Variants in NEFL observed in about 807,000 individuals in gnomAD.
NEFL encodes neurofilament light polypeptide.
Under a neutral mutation model 51.6 loss-of-function variants are expected in NEFL, and 36 were observed. The observed-to-expected ratio is 0.70, with a 90% CI of 0.53 to 0.92. NEFL has a LOEUF of 0.92. NEFL is among the 40% of genes least tolerant of loss of function. The pLI is 0.00. For missense variants in NEFL, 671 were observed against 722.0 expected (o/e 0.93, Z 0.81); for synonymous variants, 332 against 302.5 (o/e 1.10, Z -1.01).
Position 24,952,068 on chromosome 8 carries a change from TG to T in NEFL, c.*741del, listed in dbSNP as rs1325040377. Reference sequence around the variant, plus strand: ...TGTATCTGTCAAGTAATTTCAGAATTGCTCCCTAGAAAGCCATCCCAAAACC... The same window carrying T: ...TGTATCTGTCAAGTAATTTCAGAATTCTCCCTAGAAAGCCATCCCAAAACC... On this transcript the variant is annotated 3_prime_UTR_variant, in exon 4 of 4. Transcript: ENST00000610854. 6.6e-6 allele frequency: 1 copy of T among 152,518 alleles called. No homozygotes were observed. The allele number at this position is 152,518 out of a possible 1,614,324, so 9.4% of individuals were successfully genotyped here.
intron 2 of NEFL, 78 bp downstream of exon 2, chr8:24,954,103 G>A: frequency 6.3e-7 from 1 of 1,583,290 alleles, no homozygotes; most frequent in Non-Finnish European, 8.6e-7. Context: ...GAAGGTTTCT[G>A]ATCCAACATA....
At chr8:24,954,363 T>C in intron 1 of NEFL, 58 bp from the exon 2 acceptor site, 1 of 1,594,568 alleles carries the variant, frequency 6.3e-7, no homozygotes, top group Middle Eastern at 1.7e-4. Context: ...CCTTCTATTA[T>C]TTTACTGTAG....
In NEFL at chr8:24,952,845, C is replaced by T; in HGVS notation, c.1597G>A (p.Ala533Thr). Residue 533 changes from alanine to threonine, a missense_variant, in exon 4 of 4, where the codon GCT becomes ACT. Ala to Thr is a moderately conservative substitution (Grantham distance 58, BLOSUM62 0). Transcript: ENST00000610854. Reference sequence around the variant, plus strand: ...TTCTTAGCTGCTTGTTCCTCCCCAGCACCTTCAACTTTCTTCTCCTCCTCT... The same window carrying T: ...TTCTTAGCTGCTTGTTCCTCCCCAGTACCTTCAACTTTCTTCTCCTCCTCT... The part of the protein sequence containing the change: ...AEEEEKKVEG[A>T]GEEQAAKKKD The T allele has an allele frequency of 6.2e-7, 1 of 1,612,734 alleles. No homozygotes were observed. Among genetic ancestry groups the T allele is most frequent in the South Asian group, 1.1e-5 (1 of 91,048 alleles).
intron 1 of NEFL, 83 bp from the exon 2 acceptor site, chr8:24,954,388 C>G (rs1803013412): frequency 6.7e-7 from 1 of 1,483,958 alleles, no homozygotes; most frequent in Non-Finnish European, 9.1e-7. Flanking sequence ...GTTGCAAAGG[C>G]CTAGTTTCGA....
Position 24,951,316 on chromosome 8 carries a change from A to G in NEFL, c.*1494T>C, listed in dbSNP as rs1802964424. On this transcript the variant is annotated 3_prime_UTR_variant, in exon 4 of 4. Coordinates refer to ENST00000610854, the MANE Select transcript of NEFL (RefSeq NM_006158.5). ...GATTAAGTAACTTTAAATGGAGACC[A>G]CTTTGGTTTCAGGTTAAATTAATAA... 6.6e-6 allele frequency: 1 copy of G among 152,240 alleles called. No homozygotes were observed. The highest frequency in any genetic ancestry group is 2.1e-4 in the South Asian group (1 of 4,832). 9.4% of individuals were successfully genotyped at this position (152,240 alleles called of 1,614,324 possible).
rs1482754724 is a variant in NEFL, at chr8:24,956,394, G to A, written c.122C>T (p.Ser41Phe). 6.2e-7 allele frequency: 1 copy of A among 1,604,258 alleles called. No individual in the cohort carries two copies. The highest frequency in any genetic ancestry group is 8.5e-7 in the Non-Finnish European group (1 of 1,176,000). The change falls in exon 1 of 4, where the codon TCC becomes TTC. Residue 41 changes from serine (S) to phenylalanine (F), a missense_variant. Coordinates refer to ENST00000610854, the MANE Select transcript of NEFL (RefSeq NM_006158.5). This position sits in a 1 kb window ranked among gnomAD's most constrained non-coding sequence, Gnocchi z 5.9. Reference protein sequence around the residue: ...SGYSTARSAYSSYSAPVSSSL... With the variant: ...SGYSTARSAYFSYSAPVSSSL... ...GGAAGACACCGGCGCCGAGTAGCTG[G>A]AGTAAGCTGAGCGTGCGGTGCTGTA...
Position 24,952,798 on chromosome 8 carries a change from G to C in NEFL, c.*12C>G. On this transcript the variant is annotated 3_prime_UTR_variant, in exon 4 of 4. Coordinates refer to ENST00000610854, the MANE Select transcript of NEFL (RefSeq NM_006158.5). ...GGAGAATTATTCCTGAAATAATTAA[G>C]GAAATGGGGGTTCAATCTTTCTTCT... is the stretch of plus-strand genomic sequence containing the variant. The C allele has an allele frequency of 6.2e-7, 1 of 1,613,864 alleles. No individual in the cohort carries two copies. The highest frequency in any genetic ancestry group is 2.2e-5 in the East Asian group (1 of 44,876).
intron 2 of NEFL, 179 bp from the exon 3 acceptor site, chr8:24,953,974 G>A (rs948259897): frequency 2.0e-5 from 23 of 1,158,598 alleles, no homozygotes; most frequent in Non-Finnish European, 2.6e-5. Context: ...GATTTAAAGT[G>A]TAATGACAAG....
rs191346286 is a variant in NEFL at position 24,953,704 on chromosome 8, G to A, written c.1261C>T (p.Arg421Ter). The A allele has an allele frequency of 1.2e-6, 2 of 1,613,986 alleles. No homozygotes were observed. The highest frequency in any genetic ancestry group is 1.7e-6 in the Non-Finnish European group (2 of 1,179,904). ...GYSQSSQVFG[R>*]SAYGGLQTSS... is the part of the protein sequence containing the mutation. ...GTCTGTAAACCGCCGTAGGCAGATC[G>A]GCCAAAGACCTGGGAGCTCTGGGAG... is the stretch of plus-strand genomic sequence containing the variant. The change falls in exon 3 of 4, where the codon CGA (arginine) becomes TGA (stop). Residue 421 changes from arginine (R) to a stop codon, truncating the protein, a stop_gained. Coordinates refer to ENST00000610854, the MANE Select transcript of NEFL (RefSeq NM_006158.5). LOFTEE classifies it high-confidence loss of function.
In NEFL at chr8:24,956,114, G is replaced by A; in HGVS notation, c.402C>T (p.Arg134=). The A allele has an allele frequency of 6.2e-6, 10 of 1,608,132 alleles. No homozygotes were observed. Among genetic ancestry groups the A allele is most frequent in the Non-Finnish European group, 8.5e-6 (10 of 1,178,940 alleles). Residue 134 remains arginine, a synonymous_variant, in exon 1 of 4, where the codon CGC becomes CGT. Coordinates refer to ENST00000610854, the MANE Select transcript of NEFL (RefSeq NM_006158.5). The surrounding 1 kb of genome is among the most constrained non-coding windows in gnomAD (Gnocchi z 5.9). Reference sequence around the variant, plus strand: ...TCTCCTGCTCGTACAGCGCCCGGAAGCGGGATGGCTCGGAGTGCTTCTGGC... The same window carrying A: ...TCTCCTGCTCGTACAGCGCCCGGAAACGGGATGGCTCGGAGTGCTTCTGGC... ...VLRQKHSEPS[R]FRALYEQEIR... is the part of the protein sequence containing the mutation.
intron 1 of NEFL, 86 bp from the exon 2 acceptor site, chr8:24,954,391 A>C: frequency 6.8e-7 from 1 of 1,465,258 alleles, no homozygotes. Flanking sequence ...GCAAAGGCCT[A>C]GTTTCGATTA....
Position 24,955,825 on chromosome 8 carries a change from T to C in NEFL, c.691A>G (p.Ile231Val), listed in dbSNP as rs1803041705. 4.3e-6 allele frequency: 7 copies of C among 1,611,570 alleles called. No homozygotes were observed. The highest frequency in any genetic ancestry group is 5.9e-6 in the Non-Finnish European group (7 of 1,179,872). Residue 231 changes from isoleucine to valine, a missense_variant, in exon 1 of 4, where the codon ATC becomes GTC. Physicochemically the swap from Ile to Val is conservative, Grantham distance 29 (BLOSUM62 3). Coordinates refer to ENST00000610854, the MANE Select transcript of NEFL (RefSeq NM_006158.5). This position sits in a 1 kb window ranked among gnomAD's most constrained non-coding sequence, Gnocchi z 4.0. The part of the protein sequence containing the change: ...SFLKKVHEEE[I>V]AELQAQIQYA... The stretch of plus-strand genomic sequence containing the variant: ...TGGATCTGCGCCTGCAGTTCGGCGA[T>C]CTCCTCTTCGTGCACTTTCTTCAGA...
In NEFL at chr8:24,955,425, CCCTT is replaced by C; in HGVS notation, c.1044+43_1044+46del. 1.3e-6 allele frequency: 1 copy of C among 791,592 alleles called. No homozygotes were observed. The highest frequency in any genetic ancestry group is 2.1e-6 in the Non-Finnish European group (1 of 483,880). The allele number at this position is 791,592 out of a possible 1,614,324, so 49.0% of individuals were successfully genotyped here. On this transcript the variant is annotated intron_variant, in intron 1 of 3. Transcript: ENST00000610854. The surrounding 1 kb of genome is among the most constrained non-coding windows in gnomAD (Gnocchi z 4.0). ...CACTTTCTGGGCGCACCAACTCCCCCCCTTGCTCGAGTCCCCCGCCCCCCTGTGT... is the reference window on the plus strand; with the variant it reads ...CACTTTCTGGGCGCACCAACTCCCCCGCTCGAGTCCCCCGCCCCCCTGTGT...
Position 24,951,495 on chromosome 8 carries a change from A to G in NEFL, c.*1315T>C, listed in dbSNP as rs1316273825. ...CTTAACTTTACGACAGAAAGGATAC[A>G]TGGGGCGTGTATTTGATGCAATGTC... is the stretch of plus-strand genomic sequence containing the variant. On this transcript the variant is annotated 3_prime_UTR_variant, in exon 4 of 4. Coordinates refer to ENST00000610854, the MANE Select transcript of NEFL (RefSeq NM_006158.5). 1 of 152,244 alleles carries G rather than the reference A, an allele frequency of 6.6e-6. No individual in the cohort carries two copies. 9.4% of individuals were successfully genotyped at this position (152,244 alleles called of 1,614,324 possible).
Position 24,954,221 on chromosome 8 carries a change from T to C in NEFL, c.1129A>G (p.Asn377Asp), listed in dbSNP as rs1803010478. 1 of 1,613,906 alleles carries C rather than the reference T, an allele frequency of 6.2e-7. No homozygotes were observed. Among genetic ancestry groups the C allele is most frequent in the Non-Finnish European group, 8.5e-7 (1 of 1,179,816 alleles). ...RYLKEYQDLL[N>D]VKMALDIEIA... ...TCAATATCCAAAGCCATCTTCACGT[T>C]GAGGAGGTCTTGGTATTCTTTTAGG... The change falls in exon 2 of 4, where the codon AAC becomes GAC. Residue 377 changes from asparagine (N) to aspartate (D), a missense_variant. Asn to Asp is a conservative substitution (Grantham distance 23). Transcript: ENST00000610854.
Position 24,956,573 on chromosome 8 carries a change from CA to C in NEFL, c.-59del. 3 of 1,490,100 alleles carry C rather than the reference CA, an allele frequency of 2.0e-6. No individual in the cohort carries two copies. The highest frequency in any genetic ancestry group is 2.7e-6 in the Non-Finnish European group (3 of 1,091,972). 92.3% of individuals were successfully genotyped at this position (1,490,100 alleles called of 1,614,324 possible). On this transcript the variant is annotated 5_prime_UTR_variant, in exon 1 of 4. Transcript: ENST00000610854. The surrounding 1 kb of genome is among the most constrained non-coding windows in gnomAD (Gnocchi z 5.9). The stretch of plus-strand genomic sequence containing the variant: ...GCGGTGGGAGCCCGGAGAGAGAGGA[CA>C]GGGGAGAGAGGGAAGGGGGAGGATG...
chr8:24,955,420 T>TGGGGGG lies in NEFL; in HGVS notation c.1044+51_1044+52insCCCCCC. Reference sequence around the variant, plus strand: ...GTCTCCACTTTCTGGGCGCACCAACTCCCCCCCTTGCTCGAGTCCCCCGCC... The same window carrying TGGGGGG: ...GTCTCCACTTTCTGGGCGCACCAACTGGGGGGCCCCCCCTTGCTCGAGTCCCCCGCC... On this transcript the variant is annotated intron_variant, in intron 1 of 3. Coordinates refer to ENST00000610854, the MANE Select transcript of NEFL (RefSeq NM_006158.5). The surrounding 1 kb of genome is among the most constrained non-coding windows in gnomAD (Gnocchi z 4.0). The TGGGGGG allele has an allele frequency of 4.1e-6, 4 of 966,280 alleles. No homozygotes were observed. The highest frequency in any genetic ancestry group is 6.1e-6 in the Non-Finnish European group (4 of 650,744). The allele number at this position is 966,280 out of a possible 1,614,324, so 59.9% of individuals were successfully genotyped here. A position where few individuals can be genotyped will look rare whatever the true frequency, so the allele number is the denominator to read the frequency against.
At chr8:24,953,848 G>T (rs772509003) in intron 2 of NEFL, 53 bp from the exon 3 acceptor site, 5 of 1,524,948 alleles carry the variant, frequency 3.3e-6, no homozygotes, top group South Asian at 1.3e-5. Flanking sequence ...TTCACAACTT[G>T]CTCTGAGTAC....
Position 24,956,228 on chromosome 8 carries a change from G to A in NEFL, c.288C>T (p.Asp96=), listed in dbSNP as rs1333280766. 1.2e-6 allele frequency: 2 copies of A among 1,611,772 alleles called. No individual in the cohort carries two copies. The highest frequency in any genetic ancestry group is 1.7e-5 in the Admixed American group (1 of 59,736). Reference sequence around the variant, plus strand: ...TGAAGCTGGCGAAGCGGTCATTGAGGTCCTGGAGCTGCGCCTTCTCCTGCG... The same window carrying A: ...TGAAGCTGGCGAAGCGGTCATTGAGATCCTGGAGCTGCGCCTTCTCCTGCG... ...IRTQEKAQLQ[D]LNDRFASFIE... The change falls in exon 1 of 4, where the codon GAC becomes GAT. Residue 96 remains aspartate (D), a synonymous_variant. Transcript: ENST00000610854. The surrounding 1 kb of genome is among the most constrained non-coding windows in gnomAD (Gnocchi z 5.9).
Sources: allele counts gnomAD v4.1 joint callset, GRCh38; gene constraint gnomAD v4.1.1; non-coding constraint Gnocchi (gnomAD v3.1); transcripts MANE v1.5; gene names NCBI Gene and HGNC (gene_info 2026-07-23, HGNC 2026-07-21).